The following EPB41L2 variants were observed in gnomAD, a reference collection of about 807,000 sequenced individuals.
The protein encoded by EPB41L2 is erythrocyte membrane protein band 4.1 like 2.
A neutral mutation model predicts 113.0 loss-of-function variants in EPB41L2; 43 were observed. The ratio of observed to expected loss-of-function variants is 0.38; its 90% CI spans 0.30 to 0.49. EPB41L2 has a LOEUF of 0.49. Ranked by LOEUF, EPB41L2 falls within the 20% of genes least tolerant of loss-of-function variation. The pLI is 0.95. For missense variants in EPB41L2, 1,147 were observed against 1,223.4 expected (o/e 0.94, Z 0.93); for synonymous variants, 442 against 436.7 (o/e 1.01, Z -0.15).
intron 11 of EPB41L2, among the ~76,000 whole-genome samples, chr6:130,888,843 G>A (rs1791884588): frequency 6.6e-6 from 1 of 152,150 alleles, no homozygotes; most frequent in South Asian, 2.1e-4. Context: ...TTTGTTTAAA[G>A]CACAGTTCAC....
chr6:130,886,408 A>C (rs1227116607), intron 11 of EPB41L2, among the ~76,000 whole-genome samples: 1 of 152,112 alleles, frequency 6.6e-6, no homozygotes, highest in African/African-American at 2.4e-5. Context: ...ACATCTTCCA[A>C]GACTCTTCAC....
At position 130,870,322 on chromosome 6, in the gene EPB41L2, G is replaced by A. The variant is rs1305346592; in HGVS notation, c.2044-196C>T. On this transcript the variant is annotated intron_variant, in intron 14 of 19. Transcript: ENST00000337057. ...CAATGGTGTTAACATGGAAAAAGGG[G>A]AGAACCTTAACAGCATCCCTGGCTC... The A allele has an allele frequency of 9.0e-6, 14 of 1,550,604 alleles. No homozygotes were observed. The Admixed American group carries it at 2.7e-4, about 30-fold the overall frequency.
chr6:130,974,717 C>CTTT (rs71030723), intron 1 of EPB41L2, among the ~76,000 whole-genome samples: 1,328 of 64,654 alleles, frequency 0.021, 152 homozygotes, highest in East Asian at 0.05. Flanking sequence ...CTTTTCTTTT[C>CTTT]TTTTTTTTTT....
chr6:131,055,711 C>A (rs900344345), intron 1 of EPB41L2, among the ~76,000 whole-genome samples: 1 of 152,120 alleles, frequency 6.6e-6, no homozygotes, highest in African/African-American at 2.4e-5. Flanking sequence ...AATTTTTAAG[C>A]CTCAGTTTCT....
chr6:131,046,038 T>C (rs1795395065), intron 1 of EPB41L2, among the ~76,000 whole-genome samples: 1 of 151,046 alleles, frequency 6.6e-6, no homozygotes, highest in Non-Finnish European at 1.5e-5. Flanking sequence ...CCTCCATCTC[T>C]GGAGTTCAAG....
At position 130,937,941 on chromosome 6, in the gene EPB41L2, G is replaced by A. The variant is rs571685129; in HGVS notation, c.706-11232C>T. Among the ~76,000 whole-genome samples, 8 of 152,070 alleles carry A rather than the reference G, an allele frequency of 5.3e-5. No individual in the cohort carries two copies. The South Asian group carries it at 6.2e-4, about 12-fold the overall frequency. Reference sequence around the variant, plus strand: ...ATCATCAGGTGGAAAAACACAAGACGACTGGAGATCCTACATCTTATCACA... The same window carrying A: ...ATCATCAGGTGGAAAAACACAAGACAACTGGAGATCCTACATCTTATCACA... On this transcript the variant is annotated intron_variant, in intron 3 of 19. Transcript: ENST00000337057.
At chr6:130,950,644 C>T (rs1283154696) in intron 3 of EPB41L2, among the ~76,000 whole-genome samples, 1 of 152,096 alleles carries the variant, frequency 6.6e-6, no homozygotes, top group East Asian at 1.9e-4. Flanking sequence ...TTATCCAAGG[C>T]TTTTCTAGGT....
At chr6:130,903,582 G>A (rs1208676600) in intron 6 of EPB41L2, among the ~76,000 whole-genome samples, 1 of 151,956 alleles carries the variant, frequency 6.6e-6, no homozygotes, top group Non-Finnish European at 1.5e-5. Flanking sequence ...CTTTTGCTAA[G>A]CCCCTCTAGT....
At chr6:130,876,722 C>G (rs1787684033) in intron 14 of EPB41L2, 1 of 1,304,134 alleles carries the variant, frequency 7.7e-7, no homozygotes, top group South Asian at 1.2e-5. Flanking sequence ...TTGTCGGCAT[C>G]AGGTACTTCT....
At chr6:130,843,228 A>G (rs1392307523) in intron 19 of EPB41L2, among the ~76,000 whole-genome samples, 1 of 152,218 alleles carries the variant, frequency 6.6e-6, no homozygotes, top group Non-Finnish European at 1.5e-5. Flanking sequence ...CAGAATCACC[A>G]ATGTCACTGC....
At chr6:130,841,398 G>A (rs999630621) in intron 19 of EPB41L2, among the ~76,000 whole-genome samples, 3 of 152,116 alleles carry the variant, frequency 2.0e-5, no homozygotes, top group Admixed American at 2.0e-4. Context: ...GGTTGGGATC[G>A]TTTCTTCTTT....
At chr6:130,856,822 G>C (rs1349337575) in intron 19 of EPB41L2, among the ~76,000 whole-genome samples, 1 of 152,084 alleles carries the variant, frequency 6.6e-6, no homozygotes, top group East Asian at 1.9e-4. Context: ...TCAAGATTTA[G>C]TTATCACATG....
intron 3 of EPB41L2, among the ~76,000 whole-genome samples, chr6:130,951,430 T>C: frequency 6.7e-6 from 1 of 148,514 alleles, no homozygotes; most frequent in Non-Finnish European, 1.5e-5. Flanking sequence ...AGTCAAGTGA[T>C]TCTCCTGCCT....
At chr6:130,945,156 A>G (rs546769343) in intron 3 of EPB41L2, among the ~76,000 whole-genome samples, 2 of 152,306 alleles carry the variant, frequency 1.3e-5, no homozygotes, top group South Asian at 4.2e-4. Context: ...CATAACTTCC[A>G]GATCCTCTAC....
chr6:130,905,659 A>G (rs1178980188), intron 5 of EPB41L2, among the ~76,000 whole-genome samples: 1 of 152,080 alleles, frequency 6.6e-6, no homozygotes, highest in Non-Finnish European at 1.5e-5. Context: ...GGCTTAAGCA[A>G]TCTCCCGGCC....
chr6:130,986,688 C>T (rs963479108), intron 1 of EPB41L2, among the ~76,000 whole-genome samples: 21 of 151,870 alleles, frequency 1.4e-4, no homozygotes, highest in African/African-American at 4.1e-4. Context: ...CAGGTTCAAG[C>T]GATTCTCCTG....
intron 6 of EPB41L2, among the ~76,000 whole-genome samples, chr6:130,903,189 C>T (rs569115239): frequency 4.1e-4 from 62 of 152,268 alleles, no homozygotes; most frequent in African/African-American, 1.4e-3. Flanking sequence ...AGTGTATGTA[C>T]AGAGTGTTGG....
intron 3 of EPB41L2, among the ~76,000 whole-genome samples, chr6:130,928,801 G>A (rs545356190): frequency 8.5e-5 from 13 of 152,264 alleles, no homozygotes; most frequent in South Asian, 4.1e-4. Flanking sequence ...TTACTGCACC[G>A]CACCAGTGTG....
At chr6:130,872,253 AG>A (rs1785967765) in intron 14 of EPB41L2, 2 of 746,588 alleles carry the variant, frequency 2.7e-6, no homozygotes, top group African/African-American at 3.7e-5. Flanking sequence ...TGTTTCTCCC[AG>A]GAAGAATTAA....
Sources: gnomAD v4.1 joint callset for allele counts (sites outside exome capture counted in the v4.1 genomes callset) on GRCh38, gnomAD v4.1.1 for gene constraint, MANE v1.5 for transcripts, NCBI Gene and HGNC (gene_info 2026-07-23, HGNC 2026-07-21) for gene names.